The following NUBPL variants were observed in gnomAD, a reference collection of about 807,000 sequenced individuals.
NUBPL encodes iron-sulfur cluster transfer protein NUBPL.
In NUBPL, 31 loss-of-function variants were observed where a neutral mutation model predicts 45.7. That is an observed-to-expected ratio of 0.68 (90% CI 0.51 to 0.92). NUBPL has a LOEUF of 0.92. Ranked by LOEUF, NUBPL falls within the 40% of genes least tolerant of loss-of-function variation. The pLI, the probability that NUBPL is intolerant of heterozygous loss-of-function variation, is 0.00. For missense variants in NUBPL, 401 were observed against 398.7 expected, an observed-to-expected ratio of 1.01 and a Z score of -0.05; for synonymous variants, 144 against 140.9, an observed-to-expected ratio of 1.02 and a Z score of -0.15.
intron 3 of NUBPL, among the ~76,000 whole-genome samples, chr14:31,590,567 T>C (rs1271472352): frequency 1.1e-4 from 16 of 152,264 alleles, no homozygotes; most frequent in Admixed American, 1.0e-3. Context: ...CTCAGAATTA[T>C]AAATACTCTT....
chr14:31,573,231 G>A (rs577247635), intron 3 of NUBPL, among the ~76,000 whole-genome samples: 5 of 152,300 alleles, frequency 3.3e-5, no homozygotes, highest in East Asian at 1.9e-4. Context: ...TGTCACCACC[G>A]TTGTATATGC....
rs530867403 is a variant in NUBPL at position 31,722,765 on chromosome 14, G to T, written c.513+49191G>T. 5.3e-4 allele frequency among the ~76,000 whole-genome samples: 81 copies of T among 152,108 alleles called. 1 individual carries two copies. The highest frequency in any genetic ancestry group is 3.4e-3 in the Middle Eastern group (1 of 294). On this transcript the variant is annotated intron_variant, in intron 6 of 10. Coordinates refer to ENST00000281081, the MANE Select transcript of NUBPL (RefSeq NM_025152.3). ...TGAAAAGTGTCTGTTCATGTCCTTT[G>T]CCCACCTTTTAATGGGGTTGGTTTT...
At chr14:31,680,370 C>T (rs2036802428) in intron 6 of NUBPL, among the ~76,000 whole-genome samples, 1 of 152,094 alleles carries the variant, frequency 6.6e-6, no homozygotes, top group Non-Finnish European at 1.5e-5. Flanking sequence ...GTATCATGCC[C>T]TCTCTCAGGT....
At chr14:31,765,889 T>C (rs770886697) in intron 6 of NUBPL, among the ~76,000 whole-genome samples, 1 of 152,204 alleles carries the variant, frequency 6.6e-6, no homozygotes, top group African/African-American at 2.4e-5. Context: ...TGTACACATA[T>C]GTATACACAA....
At chr14:31,836,846 A>G (rs890092177) in intron 8 of NUBPL, among the ~76,000 whole-genome samples, 9 of 152,212 alleles carry the variant, frequency 5.9e-5, no homozygotes, top group Admixed American at 1.3e-4. Flanking sequence ...ATGTACATCT[A>G]TATATAGATA....
At chr14:31,609,292 C>G (rs1209003286) in intron 4 of NUBPL, among the ~76,000 whole-genome samples, 1 of 152,042 alleles carries the variant, frequency 6.6e-6, no homozygotes, top group East Asian at 1.9e-4. Flanking sequence ...TCAGACAAAA[C>G]AGATTTTAAG....
At chr14:31,605,326 C>G (rs1047137306) in intron 4 of NUBPL, among the ~76,000 whole-genome samples, 8 of 152,106 alleles carry the variant, frequency 5.3e-5, no homozygotes, top group African/African-American at 1.7e-4. Context: ...AAATCACTTT[C>G]AGAATACTGG....
chr14:31,668,752 C>T (rs28888200), intron 4 of NUBPL, among the ~76,000 whole-genome samples: 13,065 of 152,186 alleles, frequency 0.086, 676 homozygotes, highest in African/African-American at 0.15. Flanking sequence ...GTAGCTGAGC[C>T]GGATGGCACA....
intron 6 of NUBPL, among the ~76,000 whole-genome samples, chr14:31,768,222 A>C (rs1802173226): frequency 6.6e-6 from 1 of 152,206 alleles, no homozygotes; most frequent in South Asian, 2.1e-4. Flanking sequence ...ATCAAGCAAT[A>C]GGGCAAAGAA....
intron 3 of NUBPL, among the ~76,000 whole-genome samples, chr14:31,579,142 G>A (rs375119163): frequency 6.6e-6 from 1 of 152,148 alleles, no homozygotes; most frequent in South Asian, 2.1e-4. Flanking sequence ...TCTCAAATTT[G>A]TGCTGGAATG....
intron 10 of NUBPL, among the ~76,000 whole-genome samples, chr14:31,856,270 A>G (rs1296092666): frequency 6.6e-6 from 1 of 152,044 alleles, no homozygotes; most frequent in Non-Finnish European, 1.5e-5. Flanking sequence ...AGATCTCATG[A>G]GATTCACTGT....
At chr14:31,757,248 G>A (rs10444699) in intron 6 of NUBPL, among the ~76,000 whole-genome samples, 130,686 of 130,952 alleles carry the variant, frequency 1, 65,211 homozygotes, top group Middle Eastern at 1. Context: ...CTCTTTTTCT[G>A]TTGATTGGAA....
intron 4 of NUBPL, among the ~76,000 whole-genome samples, chr14:31,650,949 G>A (rs141327951): frequency 3.3e-5 from 5 of 152,238 alleles, no homozygotes; most frequent in African/African-American, 9.6e-5. Context: ...AGCACACATA[G>A]GAACTAATAG....
chr14:31,827,874 G>A (rs2040130846), intron 8 of NUBPL, among the ~76,000 whole-genome samples: 1 of 152,188 alleles, frequency 6.6e-6, no homozygotes, highest in Non-Finnish European at 1.5e-5. Context: ...ATCTCTCAGA[G>A]GGCTTCTGAA....
At position 31,841,917 on chromosome 14, in the gene NUBPL, C is replaced by CTTTTGTTTTTTTTTTTTTTTTTT; in HGVS notation, c.694-4550_694-4549insGTTTTTTTTTTTTTTTTTTTTTT. On this transcript the variant is annotated intron_variant, in intron 8 of 10. Transcript: ENST00000281081. ...CTTTCATGTATGGGTCGATTCTGGG[C>CTTTTGTTTTTTTTTTTTTTTTTT]TTTTTTTTTTTTTTTTTTTTTTTTT... Among the ~76,000 whole-genome samples the CTTTTGTTTTTTTTTTTTTTTTTT allele has an allele frequency of 6.4e-3, 276 of 43,056 alleles. 36 individuals carry two copies. The highest frequency in any genetic ancestry group is 8.8e-3 in the Non-Finnish European group (207 of 23,480). 28.2% of individuals were successfully genotyped at this position (43,056 alleles called of 152,430 possible).
At chr14:31,609,965 G>A (rs779817809) in intron 4 of NUBPL, among the ~76,000 whole-genome samples, 2 of 151,980 alleles carry the variant, frequency 1.3e-5, no homozygotes, top group African/African-American at 2.4e-5. Context: ...ATATCAAAAA[G>A]AGGTAAAATT....
chr14:31,635,212 T>C (rs1237642526), intron 4 of NUBPL, among the ~76,000 whole-genome samples: 1 of 152,048 alleles, frequency 6.6e-6, no homozygotes, highest in Admixed American at 6.6e-5. Flanking sequence ...CTAGGGTTTT[T>C]ATGGTTTTAG....
chr14:31,823,806 A>G (rs1399898924), intron 7 of NUBPL, among the ~76,000 whole-genome samples: 2 of 152,100 alleles, frequency 1.3e-5, no homozygotes, highest in Non-Finnish European at 2.9e-5. Flanking sequence ...ACTGGATATG[A>G]AAAAAACTAG....
chr14:31,664,328 T>G (rs1478235401), intron 4 of NUBPL, among the ~76,000 whole-genome samples: 1 of 152,194 alleles, frequency 6.6e-6, no homozygotes, highest in Non-Finnish European at 1.5e-5. Flanking sequence ...TCAAAGGGAA[T>G]GCTTCCAGCT....
Sources: allele counts gnomAD v4.1 joint callset (sites outside exome capture counted in the v4.1 genomes callset), GRCh38; gene constraint gnomAD v4.1.1; transcripts MANE v1.5; gene names NCBI Gene and HGNC (gene_info 2026-07-23, HGNC 2026-07-21).